Variants in SSH2 observed in about 807,000 individuals in gnomAD.
SSH2 encodes the protein protein phosphatase Slingshot homolog 2.
In SSH2, 37 loss-of-function variants were observed where a neutral mutation model predicts 135.2. That is an observed-to-expected ratio of 0.27 (90% CI 0.21 to 0.36). The LOEUF (loss-of-function observed/expected upper bound fraction) is 0.36, where lower values mean the gene tolerates loss of function less well. SSH2 is among the 10% of genes least tolerant of loss of function. SSH2 has a pLI of 1.00. For missense variants in SSH2, 1,408 were observed against 1,765.3 expected (o/e 0.80, Z 3.63); for synonymous variants, 628 against 646.2 (o/e 0.97, Z 0.43).
intron 3 of SSH2, among the ~76,000 whole-genome samples, chr17:29,790,736 T>C (rs2042049836): frequency 6.6e-6 from 1 of 151,974 alleles, no homozygotes; most frequent in Non-Finnish European, 1.5e-5. Flanking sequence ...AAGATTTTTT[T>C]TTTTTTTTTT....
At chr17:29,746,522 T>G (rs1598926157) in intron 3 of SSH2, among the ~76,000 whole-genome samples, 1 of 114,488 alleles carries the variant, frequency 8.7e-6, no homozygotes, top group Non-Finnish European at 1.6e-5. Flanking sequence ...CACTCCAGCC[T>G]GGGCGACAGA....
intron 1 of SSH2, among the ~76,000 whole-genome samples, chr17:29,924,390 G>A (rs942122783): frequency 3.9e-5 from 6 of 152,116 alleles, no homozygotes; most frequent in South Asian, 2.1e-4. Flanking sequence ...TAATTAGAAC[G>A]TGCATCTTAA....
intron 3 of SSH2, among the ~76,000 whole-genome samples, chr17:29,744,440 A>G (rs557673553): frequency 2.0e-5 from 3 of 152,300 alleles, no homozygotes; most frequent in South Asian, 2.1e-4. Context: ...TTTTGACTCA[A>G]TATCATTAAA....
intron 1 of SSH2, among the ~76,000 whole-genome samples, chr17:29,870,589 C>G (rs1044915507): frequency 6.6e-6 from 1 of 152,092 alleles, no homozygotes. Flanking sequence ...TAGCAGTAAG[C>G]AAGTCCCAGG....
chr17:29,761,198 G>A (rs978002614), intron 3 of SSH2: 1 of 1,289,714 alleles, frequency 7.8e-7, no homozygotes, highest in Non-Finnish European at 1.0e-6. Flanking sequence ...GGAGAAGTAA[G>A]GAATCATGTC....
intron 1 of SSH2, among the ~76,000 whole-genome samples, chr17:29,910,107 G>A (rs1333432597): frequency 1.3e-5 from 2 of 152,008 alleles, no homozygotes; most frequent in African/African-American, 2.4e-5. Flanking sequence ...CACCACAATT[G>A]GTTAATTTTT....
At chr17:29,634,580 G>T (rs2035817116) in intron 15 of SSH2, among the ~76,000 whole-genome samples, 2 of 152,126 alleles carry the variant, frequency 1.3e-5, no homozygotes, top group Non-Finnish European at 2.9e-5. Flanking sequence ...TTGAGACGGA[G>T]TCTCGCTCTG....
intron 12 of SSH2, among the ~76,000 whole-genome samples, chr17:29,655,080 C>T (rs2036727679): frequency 6.6e-6 from 1 of 151,890 alleles, no homozygotes; most frequent in South Asian, 2.1e-4. Context: ...GGTGGGGGGA[C>T]GAAACAGGGA....
chr17:29,851,719 C>A (rs1488768237), intron 1 of SSH2, among the ~76,000 whole-genome samples: 3 of 151,920 alleles, frequency 2.0e-5, no homozygotes. Context: ...TAATAATAAT[C>A]AGCCAAGTAT....
chr17:29,728,191 T>C (rs2040063395), intron 3 of SSH2, among the ~76,000 whole-genome samples: 1 of 152,056 alleles, frequency 6.6e-6, no homozygotes, highest in African/African-American at 2.4e-5. Context: ...TTAGAACTGA[T>C]AAACAAATTC....
In SSH2 at chr17:29,881,744, C is replaced by T. The variant is rs373407587; in HGVS notation, c.64-32815G>A. On this transcript the variant is annotated intron_variant, in intron 1 of 15. Coordinates refer to ENST00000540801, the MANE Select transcript of SSH2 (RefSeq NM_001282129.2). ...CTCAAACTCCTGACCTCGTGATCTG[C>T]CCACCTCGGCCTCCCAAAGTGCTGG... Among the ~76,000 whole-genome samples the T allele has an allele frequency of 1.1e-4, 17 of 152,256 alleles. No homozygotes were observed. The South Asian group carries it at 3.3e-3, about 30-fold the overall frequency.
intron 5 of SSH2, among the ~76,000 whole-genome samples, chr17:29,689,859 C>T (rs1434242241): frequency 6.6e-6 from 1 of 151,662 alleles, no homozygotes; most frequent in African/African-American, 2.4e-5. Flanking sequence ...ACTAAAAATA[C>T]AAAAATTAGC....
At chr17:29,719,218 A>G (rs549460876) in intron 3 of SSH2, among the ~76,000 whole-genome samples, 1 of 152,304 alleles carries the variant, frequency 6.6e-6, no homozygotes, top group Admixed American at 6.5e-5. Context: ...GAACTTCACC[A>G]TTACTTCAGA....
chr17:29,695,636 T>C, intron 4 of SSH2, 113 bp from the exon 5 acceptor site: 1 of 798,670 alleles, frequency 1.3e-6, no homozygotes, highest in Non-Finnish European at 2.0e-6. Flanking sequence ...ATTAAAGGAC[T>C]CTAATTAGAC....
At chr17:29,880,601 T>A (rs982809695) in intron 1 of SSH2, among the ~76,000 whole-genome samples, 1 of 152,200 alleles carries the variant, frequency 6.6e-6, no homozygotes, top group East Asian at 1.9e-4. Flanking sequence ...AAGTCTTATA[T>A]AGGCCCAATT....
At position 29,913,347 on chromosome 17, in the gene SSH2, AATATATATATAT is replaced by A. The variant is rs56068605; in HGVS notation, c.63+16579_63+16590del. On this transcript the variant is annotated intron_variant, in intron 1 of 15. Transcript: ENST00000540801. Reference sequence around the variant, plus strand: ...AAAAAAAAAAAAAAAAAAAAAAAAAAATATATATATATATATATATATATATATATATATATC... The same window carrying A: ...AAAAAAAAAAAAAAAAAAAAAAAAAAATATATATATATATATATATATATC... 3.4e-3 allele frequency among the ~76,000 whole-genome samples: 99 copies of A among 28,782 alleles called. 3 individuals are homozygous for A. The highest frequency in any genetic ancestry group is 0.012 in the African/African-American group (94 of 8,052). 18.9% of individuals were successfully genotyped at this position (28,782 alleles called of 152,430 possible). A position where few individuals can be genotyped will look rare whatever the true frequency, so the allele number is the denominator to read the frequency against.
chr17:29,807,462 G>A (rs984684794), intron 2 of SSH2, among the ~76,000 whole-genome samples: 24 of 152,152 alleles, frequency 1.6e-4, no homozygotes, highest in Admixed American at 1.4e-3. Context: ...GAGAGCTGCT[G>A]GAGTCTATAG....
chr17:29,891,599 A>C (rs1395980178), intron 1 of SSH2, among the ~76,000 whole-genome samples: 1 of 152,204 alleles, frequency 6.6e-6, no homozygotes, highest in Non-Finnish European at 1.5e-5. Context: ...AATAGAAAAA[A>C]AAAAACAAAA....
chr17:29,810,953 C>T (rs778201361), intron 2 of SSH2, among the ~76,000 whole-genome samples: 3 of 151,888 alleles, frequency 2.0e-5, no homozygotes, highest in South Asian at 2.1e-4. Context: ...CTCAGCTCAT[C>T]GGCTATCATT....
Sources: gnomAD v4.1 joint callset for allele counts (sites outside exome capture counted in the v4.1 genomes callset) on GRCh38, gnomAD v4.1.1 for gene constraint, MANE v1.5 for transcripts, NCBI Gene and HGNC (gene_info 2026-07-23, HGNC 2026-07-21) for gene names.